BMPER: variants seen among roughly 807,000 people sequenced by gnomAD.
BMPER encodes the protein BMP-binding endothelial regulator protein.
A neutral mutation model predicts 87.3 loss-of-function variants in BMPER; 45 were observed. The ratio of observed to expected loss-of-function variants is 0.52; its 90% CI spans 0.41 to 0.66. The LOEUF is 0.66. Ranked by LOEUF, BMPER falls within the 30% of genes least tolerant of loss-of-function variation. The pLI is 0.00. For missense variants in BMPER, 784 were observed against 867.5 expected, an observed-to-expected ratio of 0.90 and a Z score of 1.21; for synonymous variants, 326 against 316.2, an observed-to-expected ratio of 1.03 and a Z score of -0.33.
At chr7:33,962,265 A>G (rs1188649126) in intron 3 of BMPER, among the ~76,000 whole-genome samples, 1 of 152,240 alleles carries the variant, frequency 6.6e-6, no homozygotes, top group Non-Finnish European at 1.5e-5. Context: ...CTCTACAAGA[A>G]TATGAATGTT....
intron 3 of BMPER, among the ~76,000 whole-genome samples, chr7:33,947,050 A>G (rs1288163174): frequency 6.6e-6 from 1 of 152,176 alleles, no homozygotes; most frequent in Non-Finnish European, 1.5e-5. Context: ...TGCTTTTGAG[A>G]TTATTTTTAT....
rs564724009 is a variant in BMPER at position 34,131,388 on chromosome 7, G to C, written c.1746-11842G>C. Among the ~76,000 whole-genome samples the C allele has an allele frequency of 3.7e-3, 567 of 152,312 alleles. 4 individuals are homozygous for C. Among genetic ancestry groups the C allele is most frequent in the African/African-American group, 0.013 (527 of 41,566 alleles). On this transcript the variant is annotated intron_variant, in intron 13 of 14. Coordinates refer to ENST00000649409, the MANE Select transcript of BMPER (RefSeq NM_001365308.1). ...TATTGTGGAGCCAAAAGGCACGGCA[G>C]ATGCTTGATGCAAGGCCCCCAGCAT... is the stretch of plus-strand genomic sequence containing the variant.
intron 13 of BMPER, among the ~76,000 whole-genome samples, chr7:34,088,330 A>G (rs768023817): frequency 1.3e-5 from 2 of 152,222 alleles, no homozygotes; most frequent in Non-Finnish European, 2.9e-5. Context: ...CTCACAGTCC[A>G]ACAGGAGGAT....
Position 34,079,108 on chromosome 7 carries a change from C to T in BMPER, c.1330C>T (p.Arg444Cys). The T allele has an allele frequency of 3.1e-6, 5 of 1,613,608 alleles. No homozygotes were observed. Among genetic ancestry groups the T allele is most frequent in the Non-Finnish European group, 4.2e-6 (5 of 1,179,822 alleles). ...CCTCACCGTGCGCTGGAACGGCTCGCGCATCGCGCTCCCCTGCCGCGCGCC... is the reference window on the plus strand; with the variant it reads ...CCTCACCGTGCGCTGGAACGGCTCGTGCATCGCGCTCCCCTGCCGCGCGCC... The part of the protein sequence containing the change: ...QHLTVRWNGS[R>C]IALPCRAPHF... The change falls in exon 12 of 15, where the codon CGC (arginine) becomes TGC (cysteine). Residue 444 changes from arginine (R) to cysteine (C), a missense_variant. Transcript: ENST00000649409.
At chr7:33,961,968 T>C (rs1222779714) in intron 3 of BMPER, among the ~76,000 whole-genome samples, 1 of 152,124 alleles carries the variant, frequency 6.6e-6, no homozygotes, top group Non-Finnish European at 1.5e-5. Context: ...TTGACTGATG[T>C]TAATGTGAAA....
chr7:33,929,422 T>C (rs1223286306), intron 2 of BMPER, among the ~76,000 whole-genome samples: 1 of 152,204 alleles, frequency 6.6e-6, no homozygotes, highest in Non-Finnish European at 1.5e-5. Flanking sequence ...AGACTGGGAC[T>C]TGTTTTGAGT....
rs75853713 is a variant in BMPER at position 34,057,949 on chromosome 7, G to A, written c.928-110G>A. 7,278 of 864,478 alleles carry A rather than the reference G, an allele frequency of 8.4e-3. 195 individuals are homozygous for A. Among genetic ancestry groups the A allele is most frequent in the South Asian group, 0.062 (4,389 of 71,124 alleles). 53.6% of individuals were successfully genotyped at this position (864,478 alleles called of 1,614,324 possible). On this transcript the variant is annotated intron_variant, in intron 9 of 14. Coordinates refer to ENST00000649409, the MANE Select transcript of BMPER (RefSeq NM_001365308.1). The stretch of plus-strand genomic sequence containing the variant: ...CTGAGTCATTTAGTCTAATGATGGC[G>A]TCCCTCACTCAGGGCAAGAAATGCT...
chr7:34,128,758 A>C (rs545222695), intron 13 of BMPER, among the ~76,000 whole-genome samples: 1 of 152,314 alleles, frequency 6.6e-6, no homozygotes, highest in East Asian at 1.9e-4. Flanking sequence ...ACACATTTTC[A>C]TTTAATATAT....
chr7:33,979,361 G>A (rs1422588530), intron 6 of BMPER, among the ~76,000 whole-genome samples: 1 of 151,144 alleles, frequency 6.6e-6, no homozygotes, highest in African/African-American at 2.4e-5. Context: ...GCAACTCCCT[G>A]AGAACCTGAT....
At chr7:34,114,944 T>C (rs1790070901) in intron 13 of BMPER, among the ~76,000 whole-genome samples, 1 of 152,174 alleles carries the variant, frequency 6.6e-6, no homozygotes, top group Non-Finnish European at 1.5e-5. Flanking sequence ...GTCAAGGAAA[T>C]GTGTTAAGTG....
chr7:34,060,872 T>C (rs1269919928), intron 10 of BMPER, among the ~76,000 whole-genome samples: 1 of 152,220 alleles, frequency 6.6e-6, no homozygotes, highest in Non-Finnish European at 1.5e-5. Flanking sequence ...CAGTCTAGTG[T>C]ATAGCAGATA....
At chr7:34,060,643 A>T (rs1284685208) in intron 10 of BMPER, among the ~76,000 whole-genome samples, 1 of 152,322 alleles carries the variant, frequency 6.6e-6, no homozygotes, top group South Asian at 2.1e-4. Flanking sequence ...AGTCAATCTG[A>T]TTCTTTCTTT....
chr7:34,142,839 G>A (rs139449040), intron 13 of BMPER, among the ~76,000 whole-genome samples: 178 of 152,324 alleles, frequency 1.2e-3, no homozygotes, highest in African/African-American at 4.0e-3. Context: ...GTAGCCATTA[G>A]GCGCATTGGG....
chr7:34,097,524 A>G (rs530223560), intron 13 of BMPER, among the ~76,000 whole-genome samples: 2 of 152,240 alleles, frequency 1.3e-5, no homozygotes, highest in African/African-American at 4.8e-5. Flanking sequence ...GTAGTTTGTT[A>G]TACCTATTAC....
chr7:33,916,002 C>T (rs530338275), intron 2 of BMPER, among the ~76,000 whole-genome samples: 3 of 152,304 alleles, frequency 2.0e-5, no homozygotes, highest in South Asian at 2.1e-4. Flanking sequence ...TGGTCTGGGC[C>T]GTGGTCGGCA....
At chr7:34,061,910 G>A (rs1464462649) in intron 10 of BMPER, 92 bp from the exon 11 acceptor site, 2 of 1,046,394 alleles carry the variant, frequency 1.9e-6, no homozygotes, top group Non-Finnish European at 2.8e-6. Context: ...GGTTTATCTT[G>A]TATTAGATTT....
At chr7:34,143,146 T>C in intron 13 of BMPER, 84 bp from the exon 14 acceptor site, 1 of 1,589,236 alleles carries the variant, frequency 6.3e-7, no homozygotes, top group Admixed American at 1.7e-5. Context: ...GGTTTTCCCA[T>C]CTACGACCCT....
intron 12 of BMPER, 50 bp downstream of exon 12, chr7:34,079,236 C>G (rs755073414): frequency 8.6e-5 from 138 of 1,605,596 alleles, no homozygotes; most frequent in Non-Finnish European, 1.2e-4. Flanking sequence ...CTCACTTACC[C>G]GTTCAGCAGC....
rs78426974 is a variant in BMPER at position 33,943,605 on chromosome 7, A to G, written c.319+6217A>G. Among the ~76,000 whole-genome samples, 1,784 of 152,306 alleles carry G rather than the reference A, an allele frequency of 0.012. 70 individuals are homozygous for G. In the East Asian group the frequency reaches 0.13, roughly 11 times the overall value. On this transcript the variant is annotated intron_variant, in intron 3 of 14. Coordinates refer to ENST00000649409, the MANE Select transcript of BMPER (RefSeq NM_001365308.1). The stretch of plus-strand genomic sequence containing the variant: ...AGAAAAGGTGTGCATGTGTCAAACT[A>G]TGATGGACATTTTTACTAAATGGCT...
Sources: allele counts gnomAD v4.1 joint callset (sites outside exome capture counted in the v4.1 genomes callset), GRCh38; gene constraint gnomAD v4.1.1; transcripts MANE v1.5; gene names NCBI Gene and HGNC (gene_info 2026-07-23, HGNC 2026-07-21).